TFEC: variants seen among roughly 807,000 people sequenced by gnomAD.
The protein encoded by TFEC is class E basic helix-loop-helix protein 34.
Under a neutral mutation model 41.6 loss-of-function variants are expected in TFEC, and 31 were observed. The ratio of observed to expected loss-of-function variants is 0.74; its 90% CI spans 0.56 to 1.01. TFEC has a LOEUF of 1.01. TFEC is among the 50% of genes least tolerant of loss of function. TFEC has a pLI of 0.00. For missense variants in TFEC, 402 were observed against 404.1 expected, an observed-to-expected ratio of 0.99 and a Z score of 0.04; for synonymous variants, 143 against 140.6, an observed-to-expected ratio of 1.02 and a Z score of -0.12.
At chr7:115,962,329 T>C (rs1043347590) in intron 3 of TFEC, among the ~76,000 whole-genome samples, 1 of 151,684 alleles carries the variant, frequency 6.6e-6, no homozygotes, top group Non-Finnish European at 1.5e-5. Context: ...TTTAAAGAAA[T>C]AGAAAAATGC....
In TFEC at chr7:116,110,229, A is replaced by G. The variant is rs549849044; in HGVS notation, c.198+479T>C. Among the ~76,000 whole-genome samples the G allele has an allele frequency of 5.3e-5, 8 of 152,292 alleles. No individual in the cohort carries two copies. In the South Asian group the frequency reaches 1.7e-3, roughly 32 times the overall value. On this transcript the variant is annotated intron_variant, in intron 3 of 8. Transcript: ENST00000484212. Reference sequence around the variant, plus strand: ...ACCCTAGAACCTAAAGTATAATAATAAACAAAAACAGTCCTTCCTACACAC... The same window carrying G: ...ACCCTAGAACCTAAAGTATAATAATGAACAAAAACAGTCCTTCCTACACAC...
At chr7:116,079,016 T>G (rs1438562781) in intron 3 of TFEC, among the ~76,000 whole-genome samples, 1 of 152,082 alleles carries the variant, frequency 6.6e-6, no homozygotes, top group Non-Finnish European at 1.5e-5. Flanking sequence ...GATGCAGGGA[T>G]AGTTTAACAT....
intron 3 of TFEC, among the ~76,000 whole-genome samples, chr7:115,961,370 A>T (rs1792538602): frequency 6.6e-6 from 1 of 151,644 alleles, no homozygotes; most frequent in South Asian, 2.1e-4. Context: ...TACAACAGAG[A>T]TAAAACACAT....
Position 115,940,440 on chromosome 7 carries a change from C to T in TFEC, c.*111G>A, listed in dbSNP as rs1793429604. ...TTCTATCAGTTTTTCATGAACAACA[C>T]ATTCCTTTAAGAAAAAAAATAAGCC... is the stretch of plus-strand genomic sequence containing the variant. On this transcript the variant is annotated 3_prime_UTR_variant, in exon 8 of 8. Transcript: ENST00000265440. 1 of 1,205,002 alleles carries T rather than the reference C, an allele frequency of 8.3e-7. No homozygotes were observed. The highest frequency in any genetic ancestry group is 1.1e-6 in the Non-Finnish European group (1 of 886,366). The allele number at this position is 1,205,002 out of a possible 1,614,324, so 74.6% of individuals were successfully genotyped here. A position where few individuals can be genotyped will look rare whatever the true frequency, so the allele number is the denominator to read the frequency against.
At chr7:115,978,935 G>A (rs1319248661) in intron 2 of TFEC, among the ~76,000 whole-genome samples, 1 of 152,060 alleles carries the variant, frequency 6.6e-6, no homozygotes, top group Non-Finnish European at 1.5e-5. Flanking sequence ...TTCTCAAGGG[G>A]ATTTATTTCT....
chr7:116,057,926 T>G (rs1248337580), intron 3 of TFEC, among the ~76,000 whole-genome samples: 1 of 151,824 alleles, frequency 6.6e-6, no homozygotes. Flanking sequence ...TCATAAAGAT[T>G]TGTTTACTTT....
chr7:116,152,822 G>A (rs1354922323), intron 1 of TFEC, among the ~76,000 whole-genome samples: 1 of 152,114 alleles, frequency 6.6e-6, no homozygotes, highest in African/African-American at 2.4e-5. Context: ...AATTCCATAA[G>A]CTCACAATGG....
chr7:116,019,990 T>G (rs1384893834), intron 1 of TFEC, among the ~76,000 whole-genome samples: 3 of 152,330 alleles, frequency 2.0e-5, no homozygotes, highest in South Asian at 4.1e-4. Flanking sequence ...GAATTGCTAA[T>G]AATTACTGAA....
chr7:116,023,978 C>T (rs1186232507), intron 1 of TFEC, among the ~76,000 whole-genome samples: 2 of 152,156 alleles, frequency 1.3e-5, no homozygotes, highest in South Asian at 2.1e-4. Context: ...GACCTGGCCT[C>T]TGTGAACCAG....
chr7:116,147,975 C>T (rs1311671487), intron 1 of TFEC, among the ~76,000 whole-genome samples: 3 of 152,004 alleles, frequency 2.0e-5, no homozygotes, highest in Middle Eastern at 3.2e-3. Flanking sequence ...GTAAAATATG[C>T]TGTGAAAGGA....
chr7:115,944,013 A>AGTTTTTTTTTTTTT (rs1793648530), intron 6 of TFEC, among the ~76,000 whole-genome samples: 1 of 22,830 alleles, frequency 4.4e-5, no homozygotes. Flanking sequence ...ACAGGTCTGA[A>AGTTTTTTTTTTTTT]TTTTTTTTTT....
chr7:116,116,370 A>G (rs1330643296), intron 1 of TFEC, among the ~76,000 whole-genome samples: 2 of 151,894 alleles, frequency 1.3e-5, no homozygotes, highest in Admixed American at 6.6e-5. Context: ...ATGTTCCCCC[A>G]TAAAACCAAA....
chr7:116,031,847 A>G (rs1795791793), upstream of TFEC, among the ~76,000 whole-genome samples: 2 of 152,114 alleles, frequency 1.3e-5, no homozygotes, highest in African/African-American at 2.4e-5. Flanking sequence ...TTGTTTTATC[A>G]TACATCTAAA....
intron 1 of TFEC, among the ~76,000 whole-genome samples, chr7:116,146,224 C>T (rs1004090747): frequency 6.6e-6 from 1 of 152,116 alleles, no homozygotes; most frequent in Non-Finnish European, 1.5e-5. Flanking sequence ...GGAATTTGCC[C>T]GGTACTGCTT....
At chr7:115,979,801 G>C (rs187039905) in intron 2 of TFEC, among the ~76,000 whole-genome samples, 1 of 151,804 alleles carries the variant, frequency 6.6e-6, no homozygotes, top group East Asian at 1.9e-4. Flanking sequence ...CTTCACTTTC[G>C]TATACAATAT....
intron 3 of TFEC, among the ~76,000 whole-genome samples, chr7:115,971,195 G>T (rs544635655): frequency 1.3e-5 from 2 of 152,072 alleles, no homozygotes; most frequent in Non-Finnish European, 2.9e-5. Context: ...AAGACCCAGA[G>T]ACATTGGCTT....
At position 116,021,635 on chromosome 7, in the gene TFEC, T is replaced by C. The variant is rs141231092; in HGVS notation, c.-73+8998A>G. On this transcript the variant is annotated intron_variant, in intron 1 of 7. Coordinates refer to ENST00000265440, the MANE Select transcript of TFEC (RefSeq NM_012252.4). ...AGATTCTGGTATACAGACACCCACG[T>C]CCTCCAAAGTTAAATTTTCCAGTTA... 7.9e-5 allele frequency among the ~76,000 whole-genome samples: 12 copies of C among 152,282 alleles called. No homozygotes were observed. The East Asian group carries it at 2.3e-3, about 29-fold the overall frequency.
At chr7:116,119,009 AAG>A in intron 1 of TFEC, among the ~76,000 whole-genome samples, 1 of 152,080 alleles carries the variant, frequency 6.6e-6, no homozygotes, top group Admixed American at 6.6e-5. Context: ...ATATTAGCAC[AAG>A]CATTTTATTG....
chr7:115,946,418 TG>T (rs777443876), intron 6 of TFEC, among the ~76,000 whole-genome samples: 6,445 of 134,546 alleles, frequency 0.048, 322 homozygotes, highest in South Asian at 0.15. Flanking sequence ...TGTGTGTGTG[TG>T]TGTGTGTGTG....
Sources: allele counts gnomAD v4.1 joint callset (sites outside exome capture counted in the v4.1 genomes callset), GRCh38; gene constraint gnomAD v4.1.1; transcripts MANE v1.5; gene names NCBI Gene and HGNC (gene_info 2026-07-23, HGNC 2026-07-21).